Variants in KCNMA1 observed in about 807,000 individuals in gnomAD.
KCNMA1 encodes the protein Calcium-activated potassium channel subunit alpha-1.
KCNMA1 carries 29 observed loss-of-function variants against 140.0 expected under a neutral mutation model. The observed-to-expected ratio is 0.21, with a 90% CI of 0.15 to 0.28. The LOEUF (loss-of-function observed/expected upper bound fraction) is 0.28. KCNMA1 is among the 10% of genes least tolerant of loss of function. The pLI, the probability that KCNMA1 is intolerant of heterozygous loss-of-function variation, is 1.00. For synonymous variants in KCNMA1, 612 were observed against 611.9 expected, an observed-to-expected ratio of 1.00 and a Z score of 0.00; for missense variants, 880 against 1,602.2, an observed-to-expected ratio of 0.55 and a Z score of 7.70.
intron 2 of KCNMA1, among the ~76,000 whole-genome samples, chr10:77,307,008 T>C (rs674444): frequency 0.16 from 25,105 of 152,214 alleles, 2,738 homozygotes; most frequent in Admixed American, 0.24. Context: ...CAGTGCAACA[T>C]AGCACACGCA....
intron 23 of KCNMA1, among the ~76,000 whole-genome samples, chr10:76,920,020 G>GTGTGTGTGTGTGTGTGTATA (rs1177257916): frequency 2.9e-5 from 1 of 34,408 alleles, no homozygotes; most frequent in African/African-American, 1.1e-4. Context: ...GTGTGTGTGT[G>GTGTGTGTGTGTGTGTGTATA]TATATATATA....
At chr10:77,474,884 C>G (rs1196363022) in intron 1 of KCNMA1, among the ~76,000 whole-genome samples, 1 of 152,172 alleles carries the variant, frequency 6.6e-6, no homozygotes, top group African/African-American at 2.4e-5. Flanking sequence ...ACTGAAACAC[C>G]TGGCCCACAA....
intron 5 of KCNMA1, among the ~76,000 whole-genome samples, chr10:77,125,155 A>G (rs1447898440): frequency 6.6e-6 from 1 of 152,128 alleles, no homozygotes; most frequent in Non-Finnish European, 1.5e-5. Context: ...TCAAGATGAG[A>G]TTTGGGTAGG....
intron 22 of KCNMA1, among the ~76,000 whole-genome samples, chr10:76,945,486 G>C (rs1038849415): frequency 5.9e-5 from 9 of 152,218 alleles, no homozygotes; most frequent in African/African-American, 2.2e-4. Flanking sequence ...CTGGATGTGC[G>C]GCTCAATTTG....
chr10:76,882,982 A>G (rs2035270839), downstream of KCNMA1, among the ~76,000 whole-genome samples: 1 of 152,194 alleles, frequency 6.6e-6, no homozygotes, highest in Non-Finnish European at 1.5e-5. Context: ...GCCTGTTGCT[A>G]TAGGAACCTG....
chr10:77,221,729 G>T (rs2154190393), intron 3 of KCNMA1, among the ~76,000 whole-genome samples: 1 of 152,218 alleles, frequency 6.6e-6, no homozygotes, highest in East Asian at 1.9e-4. Context: ...GGTACTTCCT[G>T]GCTCCCTGCC....
At chr10:77,603,976 A>G (rs559057257) in intron 1 of KCNMA1, among the ~76,000 whole-genome samples, 5 of 152,364 alleles carry the variant, frequency 3.3e-5, no homozygotes, top group African/African-American at 1.2e-4. Flanking sequence ...AATTGCTCAC[A>G]ACGGTGCCTG....
chr10:77,430,431 A>T (rs2097128243), intron 1 of KCNMA1, among the ~76,000 whole-genome samples: 2 of 152,178 alleles, frequency 1.3e-5, no homozygotes, highest in Admixed American at 1.3e-4. Context: ...CTTTGGAAAA[A>T]GCACAGGCCA....
At chr10:77,120,040 T>C (rs1326469506) in intron 6 of KCNMA1, among the ~76,000 whole-genome samples, 1 of 152,202 alleles carries the variant, frequency 6.6e-6, no homozygotes, top group Non-Finnish European at 1.5e-5. Context: ...AATCTAATCC[T>C]CAAAACTACA....
chr10:77,421,332 A>G (rs1411449910), intron 1 of KCNMA1, among the ~76,000 whole-genome samples: 2 of 152,214 alleles, frequency 1.3e-5, no homozygotes, highest in African/African-American at 4.8e-5. Flanking sequence ...CACCATTGCT[A>G]TCAGTCAATA....
At chr10:77,178,924 GT>G (rs1416946009) in intron 5 of KCNMA1, among the ~76,000 whole-genome samples, 2 of 152,178 alleles carry the variant, frequency 1.3e-5, no homozygotes, top group Admixed American at 6.5e-5. Context: ...GAATAAGTTG[GT>G]GGGTGGGGAC....
intron 1 of KCNMA1, among the ~76,000 whole-genome samples, chr10:77,488,887 T>C (rs1435379793): frequency 6.6e-6 from 1 of 152,236 alleles, no homozygotes; most frequent in Non-Finnish European, 1.5e-5. Flanking sequence ...ACCATTCTCC[T>C]GTTATAAAAA....
intron 5 of KCNMA1, among the ~76,000 whole-genome samples, chr10:77,166,896 CA>C (rs1352449139): frequency 6.6e-6 from 1 of 152,134 alleles, no homozygotes; most frequent in East Asian, 1.9e-4. Flanking sequence ...TCCATATTGT[CA>C]AACTAGGGTA....
intron 1 of KCNMA1, among the ~76,000 whole-genome samples, chr10:77,482,991 TAC>T (rs56364046): frequency 0.1 from 13,279 of 126,474 alleles, 766 homozygotes; most frequent in Non-Finnish European, 0.13. Context: ...CTCTCTCACA[TAC>T]ACACACACAC....
intron 19 of KCNMA1, among the ~76,000 whole-genome samples, chr10:76,996,158 C>A (rs1465205318): frequency 6.6e-6 from 1 of 152,174 alleles, no homozygotes; most frequent in East Asian, 1.9e-4. Flanking sequence ...TGGAGAAGAA[C>A]CCAGTGTGTT....
At chr10:77,058,183 T>C (rs561402603) in intron 14 of KCNMA1, among the ~76,000 whole-genome samples, 1 of 152,128 alleles carries the variant, frequency 6.6e-6, no homozygotes, top group Admixed American at 6.5e-5. Context: ...ATAGGGATAA[T>C]ATATAATGAT....
rs1346573507 is a variant in KCNMA1 at position 77,565,119 on chromosome 10, C to T, written c.378+72146G>A. On this transcript the variant is annotated intron_variant, in intron 1 of 27. Transcript: ENST00000286628. ...CCCCATCAAGGGCCACTCTCAGTGA[C>T]TGTCCTCTTTAGGCTGGACCTTAAG... is the stretch of plus-strand genomic sequence containing the variant. Among the ~76,000 whole-genome samples, 3 of 152,310 alleles carry T rather than the reference C, an allele frequency of 2.0e-5. No homozygotes were observed. In the East Asian group the frequency reaches 5.8e-4, roughly 29 times the overall value.
At chr10:77,090,691 G>A in intron 9 of KCNMA1, 181 bp from the exon 10 acceptor site, 1 of 623,132 alleles carries the variant, frequency 1.6e-6, no homozygotes, top group Non-Finnish European at 2.9e-6. Flanking sequence ...GGTGCTAGCA[G>A]GTGCTGAGAC....
At chr10:77,100,154 C>A (rs1056035333) in intron 9 of KCNMA1, among the ~76,000 whole-genome samples, 1 of 152,138 alleles carries the variant, frequency 6.6e-6, no homozygotes, top group African/African-American at 2.4e-5. Flanking sequence ...CAGATAAGCT[C>A]CAGGAGAGCA....
Sources: gnomAD v4.1 joint callset for allele counts (sites outside exome capture counted in the v4.1 genomes callset) on GRCh38, gnomAD v4.1.1 for gene constraint, MANE v1.5 for transcripts, NCBI Gene and HGNC (gene_info 2026-07-23, HGNC 2026-07-21) for gene names.